Variants in HSD17B12 observed in about 807,000 individuals in gnomAD.
HSD17B12 encodes the protein very-long-chain 3-oxoacyl-CoA reductase.
HSD17B12 carries 32 observed loss-of-function variants against 39.3 expected under a neutral mutation model. That is an observed-to-expected ratio of 0.81 (90% CI 0.61 to 1.09). The LOEUF (loss-of-function observed/expected upper bound fraction) is 1.09. HSD17B12 is among the 50% of genes least tolerant of loss of function. HSD17B12 has a pLI of 0.00. For missense variants in HSD17B12, 342 were observed against 382.9 expected (o/e 0.89, Z 0.89); for synonymous variants, 150 against 146.7 (o/e 1.02, Z -0.16).
At chr11:43,592,336 G>A in the HSD17B12 span, among the ~76,000 whole-genome samples, 1 of 151,688 alleles carries the variant, frequency 6.6e-6, no homozygotes, top group Non-Finnish European at 1.5e-5. Context: ...ATAAATTAAA[G>A]TAGTAGATTC....
intron 1 of HSD17B12, among the ~76,000 whole-genome samples, chr11:43,750,629 CAA>C (rs1565074647): frequency 6.6e-6 from 1 of 152,162 alleles, no homozygotes; most frequent in Non-Finnish European, 1.5e-5. Context: ...AACATATTGG[CAA>C]ATAGTATTTT....
chr11:43,830,734 G>A, intron 6 of HSD17B12: 1 of 313,232 alleles, frequency 3.2e-6, no homozygotes. Context: ...TTTCAGGCAA[G>A]ACTAATTTTA....
chr11:43,612,150 G>GA, the HSD17B12 span, among the ~76,000 whole-genome samples: 1 of 152,110 alleles, frequency 6.6e-6, no homozygotes, highest in Non-Finnish European at 1.5e-5. Flanking sequence ...GGTATCAAAT[G>GA]ATGTAATTCA....
chr11:43,693,600 T>A (rs1365888418), intron 1 of HSD17B12, among the ~76,000 whole-genome samples: 1 of 152,142 alleles, frequency 6.6e-6, no homozygotes, highest in Non-Finnish European at 1.5e-5. Flanking sequence ...AAACTACTGA[T>A]TATGTTGATG....
At chr11:43,645,608 T>C in the HSD17B12 span, 1 of 152,376 alleles carries the variant, frequency 6.6e-6, no homozygotes, top group Admixed American at 6.5e-5. Context: ...ACCACTTTCA[T>C]ATATCATTAA....
chr11:43,785,842 T>G (rs10400390), intron 3 of HSD17B12, among the ~76,000 whole-genome samples: 34,216 of 152,108 alleles, frequency 0.22, 4,106 homozygotes, highest in Middle Eastern at 0.37. Flanking sequence ...CTTTGTAACT[T>G]TATGCATTGA....
At chr11:43,846,485 G>A (rs1590347073) in intron 9 of HSD17B12, among the ~76,000 whole-genome samples, 2 of 152,130 alleles carry the variant, frequency 1.3e-5, no homozygotes, top group African/African-American at 4.8e-5. Flanking sequence ...CCAACATGGC[G>A]AAATCCCGTC....
Position 43,742,139 on chromosome 11 carries a change from A to ATATTTT in HSD17B12, c.161-8771_161-8770insATTTTT, listed in dbSNP as rs61178234. On this transcript the variant is annotated intron_variant, in intron 1 of 10. Coordinates refer to ENST00000278353, the MANE Select transcript of HSD17B12 (RefSeq NM_016142.3). ...TATATATATATATATATATATATAT[A>ATATTTT]TTTTTTTTTTTAAATTGAGACAGGA... is the stretch of plus-strand genomic sequence containing the variant. Among the ~76,000 whole-genome samples the ATATTTT allele has an allele frequency of 1.4e-3, 177 of 123,466 alleles. 1 individual carries two copies. Among genetic ancestry groups the ATATTTT allele is most frequent in the Admixed American group, 6.9e-3 (79 of 11,380 alleles). 81.0% of individuals were successfully genotyped at this position (123,466 alleles called of 152,430 possible).
chr11:43,777,085 G>A (rs1428161975), intron 3 of HSD17B12, among the ~76,000 whole-genome samples: 4 of 152,184 alleles, frequency 2.6e-5, no homozygotes, highest in African/African-American at 9.7e-5. Flanking sequence ...ACTTGGCAAT[G>A]TGGGCTCTTT....
chr11:43,688,144 G>A (rs191089201), intron 1 of HSD17B12, among the ~76,000 whole-genome samples: 31 of 152,168 alleles, frequency 2.0e-4, no homozygotes, highest in African/African-American at 6.0e-4. Flanking sequence ...CCCAGGAGGC[G>A]GAGGTTGCAG....
chr11:43,756,670 A>G (rs186673329), intron 3 of HSD17B12, among the ~76,000 whole-genome samples: 152 of 152,356 alleles, frequency 1.0e-3, no homozygotes, highest in African/African-American at 3.5e-3. Context: ...GCATTTTGAA[A>G]TGCTATGATA....
the HSD17B12 span, among the ~76,000 whole-genome samples, chr11:43,670,695 A>G: frequency 6.6e-6 from 1 of 152,138 alleles, no homozygotes; most frequent in African/African-American, 2.4e-5. Flanking sequence ...GTTGGAGACC[A>G]GCCTAGGCGA....
At chr11:43,592,429 C>T in the HSD17B12 span, among the ~76,000 whole-genome samples, 1 of 151,962 alleles carries the variant, frequency 6.6e-6, no homozygotes, top group Non-Finnish European at 1.5e-5. Flanking sequence ...TAAAAAAAGA[C>T]AGTATAAAAA....
chr11:43,666,187 G>A, the HSD17B12 span, among the ~76,000 whole-genome samples: 9 of 152,162 alleles, frequency 5.9e-5, no homozygotes, highest in East Asian at 1.7e-3. Flanking sequence ...ATATCTGGGT[G>A]CTAGGAAAGG....
intron 9 of HSD17B12, among the ~76,000 whole-genome samples, chr11:43,846,034 T>C (rs1388956581): frequency 3.9e-5 from 6 of 152,222 alleles, no homozygotes; most frequent in Admixed American, 2.0e-4. Context: ...GAAAACTGCA[T>C]TGGTCATCGG....
At chr11:43,615,635 C>A in the HSD17B12 span, among the ~76,000 whole-genome samples, 3 of 152,222 alleles carry the variant, frequency 2.0e-5, no homozygotes, top group South Asian at 6.2e-4. Context: ...TGACATAATG[C>A]GTTTTCCTTT....
chr11:43,757,763 A>C (rs1950524464), intron 3 of HSD17B12, among the ~76,000 whole-genome samples: 1 of 152,076 alleles, frequency 6.6e-6, no homozygotes, highest in Admixed American at 6.6e-5. Flanking sequence ...TGAATGCCAC[A>C]AAGGAAACAA....
At chr11:43,772,944 C>G (rs1950663941) in intron 3 of HSD17B12, among the ~76,000 whole-genome samples, 1 of 152,072 alleles carries the variant, frequency 6.6e-6, no homozygotes, top group Non-Finnish European at 1.5e-5. Context: ...GACCCCATCT[C>G]TACAAAAATA....
At chr11:43,786,383 TC>T (rs1950816071) in intron 3 of HSD17B12, among the ~76,000 whole-genome samples, 1 of 152,254 alleles carries the variant, frequency 6.6e-6, no homozygotes, top group African/African-American at 2.4e-5. Flanking sequence ...CTGACTTTTT[TC>T]TTTTTTACTA....
Sources: allele counts gnomAD v4.1 joint callset (sites outside exome capture counted in the v4.1 genomes callset), GRCh38; gene constraint gnomAD v4.1.1; transcripts MANE v1.5; gene names NCBI Gene and HGNC (gene_info 2026-07-23, HGNC 2026-07-21).